SPOCK3: variants seen among roughly 807,000 people sequenced by gnomAD.
The protein encoded by SPOCK3 is testican-3.
Under a neutral mutation model 56.6 loss-of-function variants are expected in SPOCK3, and 30 were observed. The observed-to-expected ratio is 0.53, with a 90% CI of 0.40 to 0.72. The LOEUF (loss-of-function observed/expected upper bound fraction) is 0.72, where lower values mean the gene tolerates loss of function less well. Among genes scored for constraint, SPOCK3 ranks in the 30% least tolerant of loss-of-function variants. SPOCK3 has a pLI of 0.00. For synonymous variants in SPOCK3, 196 were observed against 183.3 expected, an observed-to-expected ratio of 1.07 and a Z score of -0.56; for missense variants, 527 against 530.0, an observed-to-expected ratio of 0.99 and a Z score of 0.06.
intron 2 of SPOCK3, among the ~76,000 whole-genome samples, chr4:167,170,207 A>C (rs948063500): frequency 3.9e-5 from 6 of 152,196 alleles, no homozygotes; most frequent in Non-Finnish European, 8.8e-5. Flanking sequence ...TTACTGTTTC[A>C]CTATTGTACA....
At chr4:167,002,298 T>C (rs1349521113) in intron 3 of SPOCK3, among the ~76,000 whole-genome samples, 1 of 152,138 alleles carries the variant, frequency 6.6e-6, no homozygotes, top group Non-Finnish European at 1.5e-5. Context: ...CTATAATATA[T>C]ATGCACATAT....
At chr4:167,003,680 A>G (rs1038657876) in intron 3 of SPOCK3, among the ~76,000 whole-genome samples, 1 of 152,186 alleles carries the variant, frequency 6.6e-6, no homozygotes, top group African/African-American at 2.4e-5. Flanking sequence ...AACTACCTCT[A>G]GAAAGATTTC....
intron 2 of SPOCK3, among the ~76,000 whole-genome samples, chr4:167,190,235 C>T (rs1732362310): frequency 6.9e-6 from 1 of 145,780 alleles, no homozygotes. Flanking sequence ...TCCAGTTCCA[C>T]CAACAGTGTA....
chr4:167,033,516 G>A (rs916319433), intron 3 of SPOCK3, among the ~76,000 whole-genome samples: 4 of 151,584 alleles, frequency 2.6e-5, no homozygotes, highest in African/African-American at 9.7e-5. Context: ...CTTATCTGAA[G>A]ATAGGAAAGT....
chr4:166,787,785 T>A (rs1466314751), intron 7 of SPOCK3, among the ~76,000 whole-genome samples: 2 of 152,170 alleles, frequency 1.3e-5, no homozygotes, highest in Non-Finnish European at 2.9e-5. Flanking sequence ...AAATATAACA[T>A]AGCTTACATT....
At chr4:167,087,399 G>A (rs1378936635) in intron 2 of SPOCK3, among the ~76,000 whole-genome samples, 1 of 152,084 alleles carries the variant, frequency 6.6e-6, no homozygotes, top group Non-Finnish European at 1.5e-5. Flanking sequence ...TTGAAATACA[G>A]AACGCAATTA....
chr4:166,742,322 C>T (rs574524597), intron 8 of SPOCK3, among the ~76,000 whole-genome samples: 5 of 152,080 alleles, frequency 3.3e-5, no homozygotes, highest in East Asian at 1.9e-4. Flanking sequence ...TACTACTTTC[C>T]TAATTGTCAA....
chr4:167,031,101 TTAGA>T (rs932964405), intron 3 of SPOCK3, among the ~76,000 whole-genome samples: 2 of 152,050 alleles, frequency 1.3e-5, no homozygotes, highest in African/African-American at 2.4e-5. Flanking sequence ...ACCTTAATGT[TTAGA>T]TAAATTCATA....
intron 2 of SPOCK3, among the ~76,000 whole-genome samples, chr4:167,132,981 T>C (rs900289902): frequency 6.6e-6 from 1 of 152,202 alleles, no homozygotes; most frequent in African/African-American, 2.4e-5. Flanking sequence ...TGTATCTTTT[T>C]GGGGACTACC....
chr4:167,126,169 C>T (rs1762261370), intron 2 of SPOCK3, among the ~76,000 whole-genome samples: 3 of 152,098 alleles, frequency 2.0e-5, no homozygotes, highest in Non-Finnish European at 4.4e-5. Context: ...AACTCCTAAC[C>T]CTACATCAAG....
chr4:166,749,586 T>C (rs926019084), intron 8 of SPOCK3, among the ~76,000 whole-genome samples: 1 of 151,734 alleles, frequency 6.6e-6, no homozygotes, highest in Admixed American at 6.6e-5. Flanking sequence ...TGTATACATA[T>C]GTAACAAACC....
chr4:167,055,109 C>T (rs1754652910), intron 3 of SPOCK3, among the ~76,000 whole-genome samples: 1 of 151,880 alleles, frequency 6.6e-6, no homozygotes, highest in South Asian at 2.1e-4. Context: ...AATATAATGA[C>T]AATGTAAGTT....
rs189623870 is a variant in SPOCK3, at chr4:166,784,006, C to T, written c.709+8164G>A. 2.3e-3 allele frequency among the ~76,000 whole-genome samples: 348 copies of T among 151,486 alleles called. 2 individuals are homozygous for T. The highest frequency in any genetic ancestry group is 7.7e-3 in the African/African-American group (317 of 41,288). ...GTGTTGTTTCATTTTGAATAGGTTC[C>T]GATAGTTCAGATGACTGGCTAAAAT... On this transcript the variant is annotated intron_variant, in intron 7 of 10. Transcript: ENST00000357545.
chr4:166,827,255 C>T (rs1159979717), intron 6 of SPOCK3, among the ~76,000 whole-genome samples: 5 of 152,010 alleles, frequency 3.3e-5, no homozygotes, highest in African/African-American at 9.7e-5. Context: ...AATACTCAAT[C>T]TTTGACAAGG....
chr4:167,097,286 A>G (rs1317739890), intron 2 of SPOCK3, among the ~76,000 whole-genome samples: 2 of 151,788 alleles, frequency 1.3e-5, no homozygotes, highest in Non-Finnish European at 2.9e-5. Flanking sequence ...TTATTTGAGA[A>G]CTTATATTCT....
At chr4:166,879,030 T>C (rs1733411662) in intron 6 of SPOCK3, among the ~76,000 whole-genome samples, 3 of 152,208 alleles carry the variant, frequency 2.0e-5, no homozygotes, top group Admixed American at 6.5e-5. Flanking sequence ...TATGGATTTA[T>C]GTTTAACAAA....
At chr4:167,088,015 A>G (rs1265009705) in intron 2 of SPOCK3, among the ~76,000 whole-genome samples, 1 of 152,076 alleles carries the variant, frequency 6.6e-6, no homozygotes, top group Non-Finnish European at 1.5e-5. Context: ...AGAGTTTATG[A>G]GCTGTGTCTA....
chr4:167,228,220 A>T (rs1488678990), intron 2 of SPOCK3, among the ~76,000 whole-genome samples: 1 of 152,156 alleles, frequency 6.6e-6, no homozygotes, highest in African/African-American at 2.4e-5. Flanking sequence ...TGTCAACTTG[A>T]CATACACACA....
chr4:166,775,309 A>G lies in SPOCK3; in HGVS notation c.709+16861T>C, dbSNP rs141637309. 1.5e-3 allele frequency among the ~76,000 whole-genome samples: 227 copies of G among 152,284 alleles called. 2 individuals are homozygous for G. Among genetic ancestry groups the G allele is most frequent in the African/African-American group, 5.0e-3 (208 of 41,576 alleles). Reference sequence around the variant, plus strand: ...CACAGTAAAAACTTGCCTTTTACCTAGAGATCACCCATTTTCATCTCTGCT... The same window carrying G: ...CACAGTAAAAACTTGCCTTTTACCTGGAGATCACCCATTTTCATCTCTGCT... On this transcript the variant is annotated intron_variant, in intron 7 of 10. Transcript: ENST00000357545.
Sources: allele counts gnomAD v4.1 joint callset (sites outside exome capture counted in the v4.1 genomes callset), GRCh38; gene constraint gnomAD v4.1.1; transcripts MANE v1.5; gene names NCBI Gene and HGNC (gene_info 2026-07-23, HGNC 2026-07-21).